DLGAP1: variants seen among roughly 807,000 people sequenced by gnomAD.
The protein encoded by DLGAP1 is DLG associated protein 1, also known as disks large-associated protein 1.
A neutral mutation model predicts 90.8 loss-of-function variants in DLGAP1; 11 were observed. The ratio of observed to expected loss-of-function variants is 0.12; its 90% CI spans 0.08 to 0.20. DLGAP1 has a LOEUF of 0.20. Ranked by LOEUF, DLGAP1 falls within the 10% of genes least tolerant of loss-of-function variation. DLGAP1 has a pLI of 1.00. For synonymous variants in DLGAP1, 558 were observed against 540.7 expected (o/e 1.03, Z -0.44); for missense variants, 1,050 against 1,333.8 (o/e 0.79, Z 3.31).
intron 7 of DLGAP1, among the ~76,000 whole-genome samples, chr18:3,647,255 A>AAAATAAATAAAT (rs111658352): frequency 6.7e-6 from 1 of 149,982 alleles, no homozygotes; most frequent in African/African-American, 2.5e-5. Flanking sequence ...AATCCATCTC[A>AAAATAAATAAAT]AAATAAATAA....
intron 3 of DLGAP1, among the ~76,000 whole-genome samples, chr18:3,954,717 ACTT>A (rs2148971112): frequency 2.0e-5 from 3 of 152,346 alleles, no homozygotes; most frequent in African/African-American, 7.2e-5. Context: ...GGGATGAGAT[ACTT>A]CTTCCTAAGA....
intron 5 of DLGAP1, among the ~76,000 whole-genome samples, chr18:3,804,701 C>G (rs1292051061): frequency 6.6e-6 from 1 of 152,216 alleles, no homozygotes; most frequent in Non-Finnish European, 1.5e-5. Flanking sequence ...ATTAAAGTTA[C>G]TCATGGAGGG....
At chr18:3,993,266 C>A (rs2074004416) in intron 3 of DLGAP1, 1 of 151,998 alleles carries the variant, frequency 6.6e-6, no homozygotes, top group Non-Finnish European at 1.5e-5. Flanking sequence ...ATAAGACAGG[C>A]TTCTTTTGAA....
At chr18:3,825,648 G>A (rs2067670618) in intron 4 of DLGAP1, among the ~76,000 whole-genome samples, 1 of 152,114 alleles carries the variant, frequency 6.6e-6, no homozygotes, top group African/African-American at 2.4e-5. Context: ...ACATAGAGAG[G>A]ACTGTATCAT....
At chr18:4,165,655 G>C (rs1024566666) in intron 1 of DLGAP1, among the ~76,000 whole-genome samples, 1 of 152,076 alleles carries the variant, frequency 6.6e-6, no homozygotes, top group Non-Finnish European at 1.5e-5. Flanking sequence ...AAGTGGGGAA[G>C]GTAAAGACAC....
At chr18:4,209,154 G>A (rs2077787546) in intron 1 of DLGAP1, among the ~76,000 whole-genome samples, 1 of 152,174 alleles carries the variant, frequency 6.6e-6, no homozygotes, top group South Asian at 2.1e-4. Context: ...ACATCTACCA[G>A]CAACAGAAGG....
At chr18:4,359,988 C>CT (rs2081598405) in intron 1 of DLGAP1, among the ~76,000 whole-genome samples, 1 of 152,162 alleles carries the variant, frequency 6.6e-6, no homozygotes, top group African/African-American at 2.4e-5. Context: ...TAGGTTCTGT[C>CT]TTGAGTAGCT....
chr18:3,527,461 G>A (rs2051715943), intron 10 of DLGAP1, among the ~76,000 whole-genome samples: 2 of 117,318 alleles, frequency 1.7e-5, no homozygotes, highest in Admixed American at 2.2e-4. Context: ...TTTGAATTCA[G>A]GGAGTCAATT....
intron 1 of DLGAP1, among the ~76,000 whole-genome samples, chr18:4,269,612 C>T (rs1243760286): frequency 6.6e-6 from 1 of 151,952 alleles, no homozygotes; most frequent in African/African-American, 2.4e-5. Context: ...CCTTGGCCTC[C>T]CAAAGTGCTG....
intron 4 of DLGAP1, among the ~76,000 whole-genome samples, chr18:3,848,147 AAAAAAAAAAAAG>A: frequency 6.7e-6 from 1 of 148,276 alleles, no homozygotes; most frequent in African/African-American, 2.5e-5. Flanking sequence ...AAAAAAAAAA[AAAAAAAAAAAAG>A]CCAAGGACAG....
At chr18:3,758,248 T>C (rs116916599) in intron 5 of DLGAP1, among the ~76,000 whole-genome samples, 1,726 of 152,254 alleles carry the variant, frequency 0.011, 17 homozygotes, top group Non-Finnish European at 0.016. Context: ...ACCCAACGTA[T>C]TCAAACCTGA....
intron 1 of DLGAP1, among the ~76,000 whole-genome samples, chr18:4,221,407 C>T (rs1484230256): frequency 6.6e-6 from 1 of 151,884 alleles, no homozygotes; most frequent in African/African-American, 2.4e-5. Flanking sequence ...TAAAATATTC[C>T]CTCTCTATTG....
In DLGAP1 at chr18:4,013,855, C is replaced by T. The variant is rs532122907; in HGVS notation, c.-158-8654G>A. On this transcript the variant is annotated intron_variant, in intron 2 of 12. Coordinates refer to ENST00000315677, the MANE Select transcript of DLGAP1 (RefSeq NM_004746.4). The stretch of plus-strand genomic sequence containing the variant: ...TATTCTCTGAATTCCACCAAAAAAC[C>T]ATTTTATGACCACAGTCATAACGAA... 1.6e-4 allele frequency: 25 copies of T among 152,192 alleles called. No individual in the cohort carries two copies. In the South Asian group the frequency reaches 2.1e-3, roughly 13 times the overall value. 9.4% of individuals were successfully genotyped at this position (152,192 alleles called of 1,614,324 possible).
At chr18:3,516,193 T>C (rs1384750225) in intron 10 of DLGAP1, among the ~76,000 whole-genome samples, 1 of 152,208 alleles carries the variant, frequency 6.6e-6, no homozygotes, top group African/African-American at 2.4e-5. Context: ...GCGTCTAGAA[T>C]GGTGATTCCT....
chr18:3,529,051 G>A (rs370027176), intron 10 of DLGAP1, among the ~76,000 whole-genome samples: 15 of 152,252 alleles, frequency 9.9e-5, no homozygotes, highest in East Asian at 7.7e-4. Context: ...CATCTGTCAC[G>A]GGAACACCTT....
chr18:3,523,617 G>A (rs140496822), intron 10 of DLGAP1, among the ~76,000 whole-genome samples: 4,633 of 152,036 alleles, frequency 0.03, 205 homozygotes, highest in African/African-American at 0.091. Context: ...GGAGGCCAAG[G>A]AGGGCGGATC....
chr18:3,800,763 T>C (rs1420107198), intron 5 of DLGAP1, among the ~76,000 whole-genome samples: 2 of 152,108 alleles, frequency 1.3e-5, no homozygotes, highest in Admixed American at 6.6e-5. Context: ...CCATTATTTC[T>C]AAATAAAAAA....
intron 2 of DLGAP1, among the ~76,000 whole-genome samples, chr18:4,025,727 C>T (rs1474835760): frequency 6.6e-6 from 1 of 152,078 alleles, no homozygotes; most frequent in Non-Finnish European, 1.5e-5. Flanking sequence ...CTGATAATTA[C>T]TAAGTTTTGA....
chr18:3,919,378 G>A (rs527764027), intron 3 of DLGAP1, among the ~76,000 whole-genome samples: 287 of 152,340 alleles, frequency 1.9e-3, no homozygotes, highest in African/African-American at 6.4e-3. Context: ...CAAACAAAGC[G>A]TATAGATTCC....
Sources: gnomAD v4.1 joint callset for allele counts (sites outside exome capture counted in the v4.1 genomes callset) on GRCh38, gnomAD v4.1.1 for gene constraint, MANE v1.5 for transcripts, NCBI Gene and HGNC (gene_info 2026-07-23, HGNC 2026-07-21) for gene names.